ADGRV1: variants seen among roughly 807,000 people sequenced by gnomAD.
ADGRV1 encodes adhesion G protein-coupled receptor V1.
ADGRV1 carries 359 observed loss-of-function variants against 596.2 expected under a neutral mutation model. That is an observed-to-expected ratio of 0.60 (90% CI 0.55 to 0.66). The LOEUF (loss-of-function observed/expected upper bound fraction) is 0.66. ADGRV1 is among the 30% of genes least tolerant of loss of function. ADGRV1 has a pLI of 0.00. For synonymous variants in ADGRV1, 2,681 were observed against 2,679.2 expected (o/e 1.00, Z -0.02); for missense variants, 7,274 against 7,575.6 (o/e 0.96, Z 1.48).
intron 85 of ADGRV1, among the ~76,000 whole-genome samples, chr5:91,038,871 G>T (rs1302443528): frequency 6.6e-6 from 1 of 152,118 alleles, no homozygotes; most frequent in Non-Finnish European, 1.5e-5. Context: ...CTATCAGTTG[G>T]TTAAAAATTG....
At chr5:90,652,712 C>T in intron 19 of ADGRV1, 149 bp downstream of exon 19, 1 of 599,836 alleles carries the variant, frequency 1.7e-6, no homozygotes, top group Admixed American at 3.2e-5. Flanking sequence ...TTAAAATACC[C>T]TTCTTGTTTC....
intron 1 of ADGRV1, among the ~76,000 whole-genome samples, chr5:90,580,149 T>G (rs1757808571): frequency 6.6e-6 from 1 of 152,248 alleles, no homozygotes; most frequent in African/African-American, 2.4e-5. Flanking sequence ...TTTGATCCTG[T>G]CATTATGATG....
chr5:90,903,212 G>T (rs1213936539), intron 83 of ADGRV1, among the ~76,000 whole-genome samples: 2 of 151,996 alleles, frequency 1.3e-5, no homozygotes, highest in Admixed American at 1.3e-4. Flanking sequence ...AGGATTATGT[G>T]CTACAGTGTA....
At chr5:90,774,542 A>T (rs1442734308) in intron 60 of ADGRV1, among the ~76,000 whole-genome samples, 3 of 152,138 alleles carry the variant, frequency 2.0e-5, no homozygotes, top group African/African-American at 7.2e-5. Flanking sequence ...TTTTTTTCTA[A>T]TGAAGATGTT....
chr5:90,921,497 A>G (rs1773871937), intron 83 of ADGRV1, among the ~76,000 whole-genome samples: 2 of 152,180 alleles, frequency 1.3e-5, no homozygotes, highest in Admixed American at 1.3e-4. Context: ...CCAACAGGAT[A>G]TCCCACAAGT....
Position 90,755,123 on chromosome 5 carries a change from G to A in ADGRV1, c.11518G>A (p.Glu3840Lys). 6.2e-7 allele frequency: 1 copy of A among 1,611,436 alleles called. No homozygotes were observed. Among genetic ancestry groups the A allele is most frequent in the Non-Finnish European group, 8.5e-7 (1 of 1,178,490 alleles). The change falls in exon 55 of 90, where the codon GAA becomes AAA. Residue 3840 changes from glutamate (E) to lysine (K), a missense_variant. By Grantham distance (56) the Glu-to-Lys change is moderately conservative (BLOSUM62 1). Transcript: ENST00000405460. The part of the protein sequence containing the change: ...ATENEDYVLQ[E>K]TIIIMKENIK... ...TGAGAATGAAGATTATGTATTGCAAGAAACAATAATAATAATGAAAGAAAA... is the reference window on the plus strand; with the variant it reads ...TGAGAATGAAGATTATGTATTGCAAAAAACAATAATAATAATGAAAGAAAA...
At chr5:90,785,110 A>G (rs200368269) in intron 67 of ADGRV1, among the ~76,000 whole-genome samples, 8 of 152,258 alleles carry the variant, frequency 5.3e-5, no homozygotes, top group African/African-American at 1.9e-4. Context: ...CTCAAAAATA[A>G]CACCACACAT....
At chr5:90,612,576 T>C (rs895031875) in intron 1 of ADGRV1, among the ~76,000 whole-genome samples, 11 of 152,156 alleles carry the variant, frequency 7.2e-5, no homozygotes, top group Admixed American at 6.6e-4. Flanking sequence ...TATAAAATGG[T>C]ACTAATGCTA....
chr5:90,598,526 T>A lies in ADGRV1; in HGVS notation c.23-16309T>A, dbSNP rs757979611. On this transcript the variant is annotated intron_variant, in intron 1 of 89. Coordinates refer to ENST00000405460, the MANE Select transcript of ADGRV1 (RefSeq NM_032119.4). ...AGTACGTGCTGACCCGTGCCAGGAG[T>A]TGGGGCTAGCGAGGCACATGGGACA... 9.2e-5 allele frequency among the ~76,000 whole-genome samples: 14 copies of A among 151,950 alleles called. No individual in the cohort carries two copies. In the South Asian group the frequency reaches 1.3e-3, roughly 14 times the overall value.
intron 85 of ADGRV1, among the ~76,000 whole-genome samples, chr5:91,021,454 A>G (rs1220870664): frequency 6.6e-6 from 1 of 152,122 alleles, no homozygotes; most frequent in East Asian, 1.9e-4. Context: ...TGGTTTAATG[A>G]GCTCAGTTTT....
At chr5:91,121,969 GA>G (rs547145432) in intron 87 of ADGRV1, among the ~76,000 whole-genome samples, 66 of 142,272 alleles carry the variant, frequency 4.6e-4, no homozygotes, top group African/African-American at 8.0e-4. Flanking sequence ...TTAAAGAGAA[GA>G]AAAAAAAAAC....
At chr5:90,994,109 C>A (rs1221887956) in intron 85 of ADGRV1, among the ~76,000 whole-genome samples, 1 of 150,480 alleles carries the variant, frequency 6.6e-6, no homozygotes, top group Non-Finnish European at 1.5e-5. Flanking sequence ...CCAGGCTGGA[C>A]TGGAGTGCAA....
At chr5:90,853,693 T>C (rs147828336) in intron 80 of ADGRV1, among the ~76,000 whole-genome samples, 160 bp downstream of exon 80, 2 of 152,226 alleles carry the variant, frequency 1.3e-5, no homozygotes, top group South Asian at 2.1e-4. Flanking sequence ...GTAGAAAGTT[T>C]AGTTTCTAAA....
At chr5:91,060,398 A>ATTTTTTTTATTTATTTATT (rs1787315424) in intron 85 of ADGRV1, among the ~76,000 whole-genome samples, 1 of 60,520 alleles carries the variant, frequency 1.7e-5, no homozygotes, top group African/African-American at 4.7e-5. Flanking sequence ...ATATATATAT[A>ATTTTTTTTATTTATTTATT]TTTTTTTTTT....
chr5:90,728,430 A>G (rs1276857447), intron 48 of ADGRV1, among the ~76,000 whole-genome samples: 1 of 152,118 alleles, frequency 6.6e-6, no homozygotes, highest in East Asian at 1.9e-4. Context: ...CTTCTCTTTC[A>G]TTCACTCTGT....
At chr5:90,939,427 A>C (rs1775985376) in intron 83 of ADGRV1, among the ~76,000 whole-genome samples, 1 of 152,226 alleles carries the variant, frequency 6.6e-6, no homozygotes, top group Non-Finnish European at 1.5e-5. Flanking sequence ...ACCAGCGCCT[A>C]ACAGATGGAA....
At chr5:90,766,210 A>G (rs928653935) in intron 59 of ADGRV1, among the ~76,000 whole-genome samples, 2 of 152,074 alleles carry the variant, frequency 1.3e-5, no homozygotes, top group Non-Finnish European at 1.5e-5. Flanking sequence ...TGTCTGATCT[A>G]TAGTCAAATT....
chr5:91,088,081 G>C (rs1469568532), intron 86 of ADGRV1, among the ~76,000 whole-genome samples: 1 of 152,070 alleles, frequency 6.6e-6, no homozygotes, highest in Non-Finnish European at 1.5e-5. Context: ...TTACAATTAG[G>C]ATTCATCAAC....
chr5:90,879,392 C>A (rs1769534634), intron 83 of ADGRV1, among the ~76,000 whole-genome samples: 1 of 152,024 alleles, frequency 6.6e-6, no homozygotes, highest in Non-Finnish European at 1.5e-5. Context: ...AAAGAACAAG[C>A]AGTATTCATT....
Sources: allele counts gnomAD v4.1 joint callset (sites outside exome capture counted in the v4.1 genomes callset), GRCh38; gene constraint gnomAD v4.1.1; transcripts MANE v1.5; gene names NCBI Gene and HGNC (gene_info 2026-07-23, HGNC 2026-07-21).